Variants in SLC30A7 observed in about 807,000 individuals in gnomAD.
SLC30A7 encodes solute carrier family 30 member 7, also known as zinc transporter 7.
A neutral mutation model predicts 46.0 loss-of-function variants in SLC30A7; 35 were observed. The ratio of observed to expected loss-of-function variants is 0.76; its 90% CI spans 0.58 to 1.01. The LOEUF (loss-of-function observed/expected upper bound fraction) is 1.01, where lower values mean the gene tolerates loss of function less well. Among genes scored for constraint, SLC30A7 ranks in the 50% least tolerant of loss-of-function variants. SLC30A7 has a pLI of 0.00. For missense variants in SLC30A7, 464 were observed against 451.1 expected (o/e 1.03, Z -0.26); for synonymous variants, 147 against 157.8 (o/e 0.93, Z 0.51).
downstream of SLC30A7, among the ~76,000 whole-genome samples, chr1:100,986,119 C>T (rs1424475512): frequency 1.3e-5 from 2 of 152,136 alleles, no homozygotes; most frequent in African/African-American, 4.8e-5. Context: ...ACAACAAAGA[C>T]ACCACTGCGG....
chr1:100,943,490 A>G (rs1225541851), intron 8 of SLC30A7, among the ~76,000 whole-genome samples: 1 of 150,736 alleles, frequency 6.6e-6, no homozygotes, highest in African/African-American at 2.4e-5. Flanking sequence ...GCTTCATTAC[A>G]TAGGCATGAT....
intron 6 of SLC30A7, 135 bp downstream of exon 6, chr1:100,913,941 C>T (rs1381339678): frequency 1.6e-6 from 2 of 1,269,188 alleles, no homozygotes; most frequent in Middle Eastern, 2.0e-4. Context: ...TAAATGGTTC[C>T]CAGGGCTAGT....
chr1:100,917,393 C>G (rs1391324445), intron 6 of SLC30A7, among the ~76,000 whole-genome samples: 1 of 152,060 alleles, frequency 6.6e-6, no homozygotes, highest in African/African-American at 2.4e-5. Flanking sequence ...CTTTTTGGTG[C>G]TGTGGGCCAT....
In SLC30A7 at chr1:100,981,126, A is replaced by T. The variant is rs1369428887; in HGVS notation, c.*6269A>T. On this transcript the variant is annotated 3_prime_UTR_variant, in exon 11 of 11. Coordinates refer to ENST00000357650, the MANE Select transcript of SLC30A7 (RefSeq NM_133496.5). ...GAACTTCTACTTTATACTAGCGGGG[A>T]AAATTTTTTTATTTAGAATTTTAAT... 6.6e-6 allele frequency: 1 copy of T among 151,914 alleles called. No individual in the cohort carries two copies. Among genetic ancestry groups the T allele is most frequent in the Non-Finnish European group, 1.5e-5 (1 of 67,912 alleles). 9.4% of individuals were successfully genotyped at this position (151,914 alleles called of 1,614,324 possible). A position where few individuals can be genotyped will look rare whatever the true frequency, so the allele number is the denominator to read the frequency against.
At chr1:100,909,598 A>C (rs1356128902) in intron 3 of SLC30A7, among the ~76,000 whole-genome samples, 1 of 152,160 alleles carries the variant, frequency 6.6e-6, no homozygotes, top group Admixed American at 6.5e-5. Flanking sequence ...AGATATTTGT[A>C]AAGGCAAATG....
At chr1:100,915,466 T>C (rs1652483333) in intron 6 of SLC30A7, among the ~76,000 whole-genome samples, 1 of 152,110 alleles carries the variant, frequency 6.6e-6, no homozygotes, top group Non-Finnish European at 1.5e-5. Context: ...GCAACCACTA[T>C]TCTATTCTCT....
At chr1:100,931,764 T>C (rs1653677938) in intron 8 of SLC30A7, among the ~76,000 whole-genome samples, 1 of 152,188 alleles carries the variant, frequency 6.6e-6, no homozygotes, top group South Asian at 2.1e-4. Context: ...GGAGTTAAAG[T>C]GTTCTGAGAT....
At chr1:100,974,486 A>G (rs996853976) in intron 10 of SLC30A7, among the ~76,000 whole-genome samples, 4 of 152,182 alleles carry the variant, frequency 2.6e-5, no homozygotes, top group Non-Finnish European at 5.9e-5. Flanking sequence ...TGATGTATCA[A>G]TTTCAACTAG....
At chr1:100,898,004 A>G (rs1570493544) in intron 2 of SLC30A7, among the ~76,000 whole-genome samples, 2 of 152,184 alleles carry the variant, frequency 1.3e-5, no homozygotes, top group Admixed American at 1.3e-4. Flanking sequence ...TATTTACAGT[A>G]TATTTTACAT....
intron 8 of SLC30A7, among the ~76,000 whole-genome samples, chr1:100,944,153 A>G (rs887495452): frequency 4.6e-5 from 7 of 152,282 alleles, no homozygotes; most frequent in Admixed American, 3.9e-4. Flanking sequence ...GCCTCAAGCC[A>G]TCCTCCTACT....
At chr1:100,981,799 CTG>C (rs1378774806), downstream of SLC30A7, 1 of 152,118 alleles carries the variant, frequency 6.6e-6, no homozygotes, top group African/African-American at 2.4e-5. Flanking sequence ...GAAACAAACA[CTG>C]TGAATCTTAC....
intron 2 of SLC30A7, among the ~76,000 whole-genome samples, chr1:100,899,205 T>C (rs1651149710): frequency 6.6e-6 from 1 of 152,208 alleles, no homozygotes; most frequent in Admixed American, 6.5e-5. Flanking sequence ...TTCTATCTTA[T>C]GCAGGCACTT....
At chr1:100,956,789 T>A (rs181935140) in intron 8 of SLC30A7, among the ~76,000 whole-genome samples, 5 of 152,326 alleles carry the variant, frequency 3.3e-5, no homozygotes. Flanking sequence ...CTTTTAAAGG[T>A]ATGTTTAAAA....
At chr1:100,925,756 T>G (rs1256014363) in intron 8 of SLC30A7, among the ~76,000 whole-genome samples, 2 of 152,190 alleles carry the variant, frequency 1.3e-5, no homozygotes, top group Non-Finnish European at 2.9e-5. Flanking sequence ...AATTCTGTTT[T>G]GGATATAAGT....
At chr1:100,909,945 T>G (rs1015192469) in intron 3 of SLC30A7, among the ~76,000 whole-genome samples, 1 of 150,530 alleles carries the variant, frequency 6.6e-6, no homozygotes, top group Non-Finnish European at 1.5e-5. Context: ...TGCAAATTAT[T>G]TGAATTTAAT....
the SLC30A7 span, among the ~76,000 whole-genome samples, chr1:100,987,668 C>T: frequency 2.1e-5 from 3 of 141,044 alleles, no homozygotes; most frequent in African/African-American, 5.2e-5. Flanking sequence ...GTTGTCTGCT[C>T]TTTTTTTTTT....
intron 2 of SLC30A7, among the ~76,000 whole-genome samples, chr1:100,905,857 A>G (rs1651624214): frequency 1.3e-5 from 2 of 152,148 alleles, no homozygotes; most frequent in African/African-American, 4.8e-5. Context: ...AGTCCTATCT[A>G]ATAGTTCCAA....
At chr1:100,927,641 T>C (rs900470711) in intron 8 of SLC30A7, among the ~76,000 whole-genome samples, 53 of 152,218 alleles carry the variant, frequency 3.5e-4, no homozygotes, top group Non-Finnish European at 7.3e-5. Context: ...TTTTCTTCAG[T>C]CTTGTTCAGC....
At chr1:100,902,222 G>T (rs1190595011) in intron 2 of SLC30A7, among the ~76,000 whole-genome samples, 4 of 152,082 alleles carry the variant, frequency 2.6e-5, no homozygotes, top group Non-Finnish European at 5.9e-5. Context: ...TCAGAAGAGG[G>T]AGTAGTTTTT....
Sources: allele counts gnomAD v4.1 joint callset (sites outside exome capture counted in the v4.1 genomes callset), GRCh38; gene constraint gnomAD v4.1.1; transcripts MANE v1.5; gene names NCBI Gene and HGNC (gene_info 2026-07-23, HGNC 2026-07-21).